The following SLX9 variants were observed in gnomAD, a reference collection of about 807,000 sequenced individuals.
SLX9 encodes ribosome biogenesis protein SLX9 homolog.
SLX9 carries 19 observed loss-of-function variants against 20.8 expected under a neutral mutation model. The observed-to-expected ratio is 0.91, with a 90% CI of 0.64 to 1.34. The LOEUF is 1.34. Ranked by LOEUF, SLX9 falls within the 40% of genes most tolerant of loss-of-function variation. The probability of loss-of-function intolerance (pLI) is 0.00; values close to 1 mark genes in which losing one functional copy is unlikely to be tolerated. For missense variants in SLX9, 299 were observed against 322.2 expected, an observed-to-expected ratio of 0.93 and a Z score of 0.55; for synonymous variants, 113 against 137.1, an observed-to-expected ratio of 0.82 and a Z score of 1.23.
intron 3 of SLX9, among the ~76,000 whole-genome samples, chr21:44,962,770 C>T (rs573862285): frequency 2.8e-4 from 42 of 152,306 alleles, no homozygotes; most frequent in Non-Finnish European, 5.6e-4. Context: ...GTTGTACACT[C>T]ACACTCCCAC....
At chr21:44,969,109 G>A in intron 4 of SLX9, 1 of 457,262 alleles carries the variant, frequency 2.2e-6, no homozygotes, top group Non-Finnish European at 4.6e-6. Context: ...CATCTGGGCA[G>A]AAAGCAGGGG....
intron 1 of SLX9, among the ~76,000 whole-genome samples, chr21:44,943,162 G>A (rs746612456): frequency 3.3e-5 from 5 of 152,048 alleles, no homozygotes; most frequent in Non-Finnish European, 7.4e-5. Flanking sequence ...CGGTTTGGTC[G>A]GCAGCTGACT....
chr21:44,972,558 AC>A (rs1285737115), intron 4 of SLX9, among the ~76,000 whole-genome samples: 1 of 151,782 alleles, frequency 6.6e-6, no homozygotes, highest in Non-Finnish European at 1.5e-5. Flanking sequence ...GCTCGTTGGC[AC>A]CCCCCGCAGG....
intron 2 of SLX9, among the ~76,000 whole-genome samples, chr21:44,948,692 G>A (rs1299067547): frequency 6.6e-6 from 1 of 152,198 alleles, no homozygotes; most frequent in African/African-American, 2.4e-5. Context: ...GGGCATGAGA[G>A]GCGCCGGTGG....
At chr21:44,953,233 G>A (rs2084791490) in intron 2 of SLX9, among the ~76,000 whole-genome samples, 3 of 152,236 alleles carry the variant, frequency 2.0e-5, no homozygotes, top group South Asian at 2.1e-4. Context: ...CTGTGGGCGC[G>A]TGGCCGGCCT....
intron 1 of SLX9, among the ~76,000 whole-genome samples, chr21:44,941,748 G>A (rs371790535): frequency 6.6e-6 from 1 of 152,146 alleles, no homozygotes; most frequent in African/African-American, 2.4e-5. Context: ...CCAGGGATGC[G>A]ACCTCCTGGG....
At chr21:44,971,930 C>G (rs1351994623) in intron 4 of SLX9, among the ~76,000 whole-genome samples, 6 of 152,072 alleles carry the variant, frequency 3.9e-5, no homozygotes, top group Non-Finnish European at 7.4e-5. Flanking sequence ...GCAGAGGGGA[C>G]GGGAGATGCG....
At chr21:44,967,491 C>T (rs150081092) in intron 4 of SLX9, among the ~76,000 whole-genome samples, 4,284 of 152,214 alleles carry the variant, frequency 0.028, 94 homozygotes, top group Non-Finnish European at 0.039. Flanking sequence ...TGCCGGGTCC[C>T]ACTGGGGGTC....
intron 4 of SLX9, chr21:44,972,941 G>GCTT (rs1375562653): frequency 8.2e-4 from 31 of 37,858 alleles, no homozygotes; most frequent in Middle Eastern, 6.2e-3. Context: ...AGCAGCTTGG[G>GCTT]GCCCGCGGTC....
intron 4 of SLX9, among the ~76,000 whole-genome samples, chr21:44,970,856 GCCCCTCCCAACCCTCAGTCCCCTCAGT>G (rs1332753992): frequency 2.6e-5 from 4 of 152,130 alleles, no homozygotes; most frequent in African/African-American, 4.8e-5. Flanking sequence ...TTGCCCCACG[GCCCCTCCCAACCCTCAGTCCCCTCAGT>G]CCCCTCCCAA....
At chr21:44,976,110 A>G (rs2085256702) in intron 5 of SLX9, among the ~76,000 whole-genome samples, 1 of 152,206 alleles carries the variant, frequency 6.6e-6, no homozygotes, top group Non-Finnish European at 1.5e-5. Context: ...TGTGTTCCAC[A>G]GGGCAGCTCT....
intron 5 of SLX9, among the ~76,000 whole-genome samples, chr21:44,975,733 G>C (rs2085249689): frequency 6.6e-6 from 1 of 152,262 alleles, no homozygotes; most frequent in African/African-American, 2.4e-5. Flanking sequence ...GACAGCCCCA[G>C]CTGCCATGCT....
At chr21:44,947,470 C>T (rs1024551012) in intron 2 of SLX9, among the ~76,000 whole-genome samples, 14 of 152,202 alleles carry the variant, frequency 9.2e-5, no homozygotes, top group African/African-American at 3.4e-4. Flanking sequence ...ATCTGCACCC[C>T]TCCTCCCCCA....
Position 44,940,141 on chromosome 21 carries a change from C to A in SLX9, c.84C>A (p.Pro28=). 1 of 1,334,608 alleles carries A rather than the reference C, an allele frequency of 7.5e-7. No individual in the cohort carries two copies. The allele number at this position is 1,334,608 out of a possible 1,614,324, so 82.7% of individuals were successfully genotyped here. Residue 28 remains proline, a synonymous_variant, in exon 1 of 6, where the codon CCC becomes CCA. Transcript: ENST00000291634. ...GGGAGGCCGCCCCCGGCCCCGCGCC[C>A]CCTGCCCCGGAGGCGACCCCTCCGC... is the stretch of plus-strand genomic sequence containing the variant. ...PKGEAAPGPA[P]PAPEATPPPA... is the part of the protein sequence containing the mutation.
At chr21:44,942,244 C>G (rs28399723) in intron 1 of SLX9, among the ~76,000 whole-genome samples, 1 of 152,122 alleles carries the variant, frequency 6.6e-6, no homozygotes, top group Non-Finnish European at 1.5e-5. Flanking sequence ...CCACCTGGTC[C>G]CTGTTTGCCT....
At position 44,976,738 on chromosome 21, in the gene SLX9, C is replaced by G. The variant is rs777484844; in HGVS notation, c.628C>G (p.Pro210Ala). Reference protein sequence around the residue: ...LLASPAYRASPLVAIGQTLAR... With the variant: ...LLASPAYRASALVAIGQTLAR... ...GGCCAGTCCGGCCTACAGAGCCAGC[C>G]CCCTGGTGGCCATCGGGCAGACGCT... The change falls in exon 6 of 6, where the codon CCC becomes GCC. Residue 210 changes from proline to alanine, a missense_variant. Physicochemically the swap from Pro to Ala is conservative, Grantham distance 27. Coordinates refer to ENST00000291634, the MANE Select transcript of SLX9 (RefSeq NM_058190.4). The G allele has an allele frequency of 1.2e-4, 184 of 1,567,442 alleles. No individual in the cohort carries two copies. Among genetic ancestry groups the G allele is most frequent in the Non-Finnish European group, 1.5e-4 (177 of 1,157,142 alleles).
intron 2 of SLX9, among the ~76,000 whole-genome samples, chr21:44,949,945 A>T (rs1485445064): frequency 1.3e-5 from 2 of 152,210 alleles, no homozygotes; most frequent in Admixed American, 6.5e-5. Flanking sequence ...AGCAGAGGGC[A>T]GCAGAGCTGT....
rs1568948070 is a variant in SLX9, at chr21:44,973,253, G to A, written c.557G>A (p.Arg186Lys). Residue 186 changes from arginine to lysine, a missense_variant, in exon 5 of 6, where the codon AGA (arginine) becomes AAA (lysine). By Grantham distance (26) the Arg-to-Lys change is conservative. Transcript: ENST00000291634. ...SELSRMSAAQ[R>K]QQLLEEERTR... ...CTCAGCCGGATGAGCGCAGCCCAGA[G>A]ACAGCAGCTTCTGTGAGTGCACCTG... 8.1e-6 allele frequency: 13 copies of A among 1,612,474 alleles called. No individual in the cohort carries two copies. The highest frequency in any genetic ancestry group is 1.1e-5 in the Non-Finnish European group (13 of 1,179,718).
chr21:44,956,235 T>C (rs1830156132), intron 2 of SLX9, among the ~76,000 whole-genome samples: 1 of 152,250 alleles, frequency 6.6e-6, no homozygotes, highest in South Asian at 2.1e-4. Context: ...TTTTTTTCTC[T>C]GCGGAGGTTT....
Sources: gnomAD v4.1 joint callset for allele counts (sites outside exome capture counted in the v4.1 genomes callset) on GRCh38, gnomAD v4.1.1 for gene constraint, MANE v1.5 for transcripts, NCBI Gene and HGNC (gene_info 2026-07-23, HGNC 2026-07-21) for gene names.